The following PTPRN2 variants were observed in gnomAD, a reference collection of about 807,000 sequenced individuals.
PTPRN2 encodes protein tyrosine phosphatase receptor type N2.
In PTPRN2, 74 loss-of-function variants were observed where a neutral mutation model predicts 118.8. The observed-to-expected ratio is 0.62, with a 90% CI of 0.52 to 0.76. The LOEUF is 0.76. Among genes scored for constraint, PTPRN2 ranks in the 30% least tolerant of loss-of-function variants. The pLI, the probability that PTPRN2 is intolerant of heterozygous loss-of-function variation, is 0.00. For missense variants in PTPRN2, 1,481 were observed against 1,394.4 expected (o/e 1.06, Z -0.99); for synonymous variants, 641 against 608.0 (o/e 1.05, Z -0.80).
chr7:157,751,284 G>T (rs544730461), intron 12 of PTPRN2, among the ~76,000 whole-genome samples: 1 of 152,198 alleles, frequency 6.6e-6, no homozygotes, highest in Non-Finnish European at 1.5e-5. Context: ...CAGTTTGCGC[G>T]CACTGGACAA....
At chr7:157,584,052 G>A (rs1252314623) in intron 17 of PTPRN2, among the ~76,000 whole-genome samples, 1 of 152,072 alleles carries the variant, frequency 6.6e-6, no homozygotes, top group African/African-American at 2.4e-5. Context: ...GTCCCAGCTA[G>A]TTGGGAGGCT....
intron 2 of PTPRN2, among the ~76,000 whole-genome samples, chr7:158,415,088 TACTTCTCTGATGATACAAC>T (rs1814545721): frequency 6.6e-6 from 1 of 151,238 alleles, no homozygotes; most frequent in Non-Finnish European, 1.5e-5. Context: ...TACAACCAGC[TACTTCTCTGATGATACAAC>T]CAGCTACTTC....
intron 1 of PTPRN2, among the ~76,000 whole-genome samples, chr7:158,508,574 G>A (rs563225054): frequency 1.3e-5 from 2 of 151,880 alleles, no homozygotes; most frequent in African/African-American, 2.4e-5. Context: ...AGGAGCAGGT[G>A]CGGAAGTGGC....
intron 12 of PTPRN2, among the ~76,000 whole-genome samples, chr7:157,689,427 C>T (rs1018431630): frequency 2.0e-5 from 3 of 152,220 alleles, no homozygotes; most frequent in African/African-American, 7.2e-5. Context: ...TGAACCGCGT[C>T]GTCCTCAGGG....
intron 2 of PTPRN2, among the ~76,000 whole-genome samples, chr7:158,481,048 A>C (rs765249063): frequency 2.6e-5 from 4 of 152,254 alleles, no homozygotes; most frequent in Non-Finnish European, 5.9e-5. Flanking sequence ...AGAAGATGCC[A>C]TCTAGGACTT....
Position 158,212,141 on chromosome 7 carries a change from C to T in PTPRN2, c.278-6868G>A, listed in dbSNP as rs372840318. Among the ~76,000 whole-genome samples, 8 of 151,944 alleles carry T rather than the reference C, an allele frequency of 5.3e-5. No individual in the cohort carries two copies. The East Asian group carries it at 5.8e-4, about 11-fold the overall frequency. ...AAAGACAAACTTTGCATGTTCTCAC[C>T]GATTTGTGGGAACTAAAACTTAAAA... is the stretch of plus-strand genomic sequence containing the variant. On this transcript the variant is annotated intron_variant, in intron 3 of 22. Coordinates refer to ENST00000389418, the MANE Select transcript of PTPRN2 (RefSeq NM_002847.5).
intron 1 of PTPRN2, among the ~76,000 whole-genome samples, chr7:158,581,230 G>A (rs139467466): frequency 6.6e-6 from 1 of 152,172 alleles, no homozygotes; most frequent in Non-Finnish European, 1.5e-5. Flanking sequence ...CTACCCACCA[G>A]GTGTCCTGTG....
In PTPRN2 at chr7:158,406,573, C is replaced by A. The variant is rs191733095; in HGVS notation, c.163+83162G>T. On this transcript the variant is annotated intron_variant, in intron 2 of 22. Coordinates refer to ENST00000389418, the MANE Select transcript of PTPRN2 (RefSeq NM_002847.5). ...CCCTGCATCATCATCGGCTCCTTCCCCAGGGCAGGTGCCGCTCTGGAAGCC... is the reference window on the plus strand; with the variant it reads ...CCCTGCATCATCATCGGCTCCTTCCACAGGGCAGGTGCCGCTCTGGAAGCC... 3.9e-3 allele frequency among the ~76,000 whole-genome samples: 598 copies of A among 152,358 alleles called. 3 individuals carry two copies. The highest frequency in any genetic ancestry group is 0.013 in the African/African-American group (539 of 41,580).
rs1432461911 is a variant in PTPRN2 at position 157,874,614 on chromosome 7, G to A, written c.1788+24059C>T. ...GCTCCACAGACAGCTCCCGGGGTCC[G>A]GGGAGAAGCGGAGGGGGGCAGAGAA... On this transcript the variant is annotated intron_variant, in intron 12 of 22. Transcript: ENST00000389418. The surrounding 1 kb of genome is among the most constrained non-coding windows in gnomAD (Gnocchi z 5.8). Among the ~76,000 whole-genome samples, 1 of 152,298 alleles carries A rather than the reference G, an allele frequency of 6.6e-6. No individual in the cohort carries two copies. The highest frequency in any genetic ancestry group is 2.4e-5 in the African/African-American group (1 of 41,566).
chr7:158,071,389 TGGAGG>T (rs1563390983), intron 11 of PTPRN2, among the ~76,000 whole-genome samples: 12 of 84,410 alleles, frequency 1.4e-4, no homozygotes, highest in African/African-American at 5.0e-4. Flanking sequence ...GTGCTCGTGG[TGGAGG>T]TGCTCGTGGT....
At chr7:158,342,344 G>A (rs1376103062) in intron 2 of PTPRN2, among the ~76,000 whole-genome samples, 4 of 130,402 alleles carry the variant, frequency 3.1e-5, no homozygotes, top group African/African-American at 9.4e-5. Flanking sequence ...GCTGACACCT[G>A]CAGACGTCAC....
At chr7:157,850,463 C>G (rs1809196471) in intron 12 of PTPRN2, among the ~76,000 whole-genome samples, 1 of 152,106 alleles carries the variant, frequency 6.6e-6, no homozygotes, top group African/African-American at 2.4e-5. Flanking sequence ...CATAAGGGAT[C>G]CCAGGTCTCC....
At chr7:157,570,926 C>T (rs566673792) in intron 20 of PTPRN2, among the ~76,000 whole-genome samples, 16 of 152,294 alleles carry the variant, frequency 1.1e-4, no homozygotes, top group African/African-American at 3.1e-4. Context: ...GAAGGCAGGA[C>T]ACTGCACCGT....
chr7:157,572,583 G>A (rs183945625), intron 19 of PTPRN2, among the ~76,000 whole-genome samples: 94 of 152,322 alleles, frequency 6.2e-4, no homozygotes, highest in Non-Finnish European at 7.5e-4. Context: ...GCTTGAATAC[G>A]GCGGAGCCCA....
intron 2 of PTPRN2, among the ~76,000 whole-genome samples, chr7:158,476,503 G>A (rs1820277785): frequency 6.6e-6 from 1 of 152,240 alleles, no homozygotes; most frequent in Non-Finnish European, 1.5e-5. Context: ...AAGGACGCAC[G>A]AAGGATCAGC....
At chr7:158,304,095 G>A (rs1377018867) in intron 3 of PTPRN2, among the ~76,000 whole-genome samples, 4 of 149,428 alleles carry the variant, frequency 2.7e-5, no homozygotes, top group Middle Eastern at 3.4e-3. Flanking sequence ...CACATAAGAT[G>A]TACACAGGCT....
Position 158,555,548 on chromosome 7 carries a change from T to C in PTPRN2, c.112+32010A>G, listed in dbSNP as rs1407301049. On this transcript the variant is annotated intron_variant, in intron 1 of 22. Coordinates refer to ENST00000389418, the MANE Select transcript of PTPRN2 (RefSeq NM_002847.5). The surrounding 1 kb of genome is among the most constrained non-coding windows in gnomAD (Gnocchi z 4.7). ...CCTGCTGCCCTTTCGTTCTCTCCCA[T>C]TGTGCCCTTGGCAGAAGAATATATT... is the stretch of plus-strand genomic sequence containing the variant. 6.6e-6 allele frequency among the ~76,000 whole-genome samples: 1 copy of C among 152,148 alleles called. No homozygotes were observed. The highest frequency in any genetic ancestry group is 1.5e-5 in the Non-Finnish European group (1 of 68,024).
chr7:158,167,866 C>T (rs867749311), intron 5 of PTPRN2, among the ~76,000 whole-genome samples: 7 of 152,242 alleles, frequency 4.6e-5, no homozygotes, highest in South Asian at 4.1e-4. Context: ...AAGTACTATC[C>T]CACTGCATGT....
intron 4 of PTPRN2, among the ~76,000 whole-genome samples, chr7:158,198,903 G>A (rs1386409859): frequency 3.9e-5 from 2 of 50,784 alleles, no homozygotes; most frequent in East Asian, 6.2e-4. Flanking sequence ...TGGCTTCTCA[G>A]GTCCTCCTTA....
Sources: allele counts gnomAD v4.1 joint callset (sites outside exome capture counted in the v4.1 genomes callset), GRCh38; gene constraint gnomAD v4.1.1; non-coding constraint Gnocchi (gnomAD v3.1); transcripts MANE v1.5; gene names NCBI Gene and HGNC (gene_info 2026-07-23, HGNC 2026-07-21).